The following PTPRT variants were observed in gnomAD, a reference collection of about 807,000 sequenced individuals.
PTPRT encodes receptor-type tyrosine-protein phosphatase T.
PTPRT carries 56 observed loss-of-function variants against 176.8 expected under a neutral mutation model. That is an observed-to-expected ratio of 0.32 (90% CI 0.26 to 0.40). PTPRT has a LOEUF of 0.40. Among genes scored for constraint, PTPRT ranks in the 10% least tolerant of loss-of-function variants. The pLI, the probability that PTPRT is intolerant of heterozygous loss-of-function variation, is 1.00. For synonymous variants in PTPRT, 783 were observed against 739.0 expected (o/e 1.06, Z -0.96); for missense variants, 1,540 against 1,908.2 (o/e 0.81, Z 3.60).
intron 13 of PTPRT, among the ~76,000 whole-genome samples, chr20:42,271,239 C>T (rs1810333885): frequency 1.3e-5 from 2 of 152,160 alleles, no homozygotes. Context: ...TTTCCATTAT[C>T]AACAGCCCCC....
intron 2 of PTPRT, among the ~76,000 whole-genome samples, chr20:42,827,187 A>G (rs1247155586): frequency 1.1e-4 from 17 of 152,202 alleles, no homozygotes; most frequent in Admixed American, 1.1e-3. Context: ...CTTTAACTCA[A>G]CATTGGACCA....
chr20:42,734,573 TA>T (rs1246022441), intron 6 of PTPRT, among the ~76,000 whole-genome samples: 1 of 152,124 alleles, frequency 6.6e-6, no homozygotes, highest in Non-Finnish European at 1.5e-5. Context: ...CAAAATGGAG[TA>T]ATAATACACC....
intron 6 of PTPRT, among the ~76,000 whole-genome samples, chr20:42,750,037 G>A (rs992671889): frequency 6.6e-6 from 1 of 152,138 alleles, no homozygotes; most frequent in Non-Finnish European, 1.5e-5. Flanking sequence ...AAAAAGGAAA[G>A]AGAAGACAGT....
intron 9 of PTPRT, among the ~76,000 whole-genome samples, chr20:42,372,660 A>C (rs112247254): frequency 2.6e-5 from 4 of 152,284 alleles, no homozygotes; most frequent in African/African-American, 7.2e-5. Flanking sequence ...AGTCCCCCCA[A>C]ATTCATACGT....
intron 12 of PTPRT, among the ~76,000 whole-genome samples, chr20:42,306,538 T>C (rs1439984351): frequency 1.3e-5 from 2 of 152,166 alleles, no homozygotes; most frequent in Admixed American, 1.3e-4. Flanking sequence ...AAGTGTCTAG[T>C]TCAGTCTTCC....
At chr20:42,680,471 C>T (rs947112230) in intron 6 of PTPRT, among the ~76,000 whole-genome samples, 2 of 152,198 alleles carry the variant, frequency 1.3e-5, no homozygotes, top group African/African-American at 4.8e-5. Flanking sequence ...CTAAGCTCAT[C>T]CTTTGTGCAT....
In PTPRT at chr20:42,078,140, C is replaced by T. The variant is rs758799287; in HGVS notation, c.*2739G>A. 2.3e-4 allele frequency: 43 copies of T among 189,200 alleles called. No homozygotes were observed. The highest frequency in any genetic ancestry group is 4.0e-4 in the Non-Finnish European group (36 of 89,728). 11.7% of individuals were successfully genotyped at this position (189,200 alleles called of 1,614,324 possible). ...TGGGTCCCCGGGGTCTGCTGAAATA[C>T]ACCTGGGGAGAGGCTCATCAAAGGA... On this transcript the variant is annotated 3_prime_UTR_variant, in exon 31 of 31. Transcript: ENST00000373187.
chr20:42,404,572 T>C (rs1030533049), intron 9 of PTPRT, among the ~76,000 whole-genome samples: 3 of 152,156 alleles, frequency 2.0e-5, no homozygotes, highest in Non-Finnish European at 4.4e-5. Flanking sequence ...TCAAGCTGTA[T>C]GACTTTAGAC....
chr20:42,105,185 C>T (rs1380919017), intron 24 of PTPRT, among the ~76,000 whole-genome samples: 1 of 152,172 alleles, frequency 6.6e-6, no homozygotes, highest in Non-Finnish European at 1.5e-5. Flanking sequence ...CACTTGGACA[C>T]GCATGTGTCT....
At chr20:42,257,067 C>T (rs1334547168) in intron 13 of PTPRT, among the ~76,000 whole-genome samples, 1 of 152,190 alleles carries the variant, frequency 6.6e-6, no homozygotes, top group Non-Finnish European at 1.5e-5. Context: ...GAGCATAGGG[C>T]AACAGTAAAG....
chr20:42,954,355 G>C (rs149253254), intron 1 of PTPRT, among the ~76,000 whole-genome samples: 1 of 152,166 alleles, frequency 6.6e-6, no homozygotes, highest in Non-Finnish European at 1.5e-5. Context: ...GGACTGGAGG[G>C]AGGAATTGAT....
intron 9 of PTPRT, among the ~76,000 whole-genome samples, chr20:42,362,158 C>G (rs1464498657): frequency 1.3e-5 from 2 of 151,956 alleles, no homozygotes; most frequent in Non-Finnish European, 2.9e-5. Flanking sequence ...CCCAGCTACT[C>G]GGGAGGCTGA....
intron 1 of PTPRT, among the ~76,000 whole-genome samples, chr20:43,032,214 C>T (rs6030615): frequency 0.3 from 46,010 of 151,988 alleles, 9,151 homozygotes; most frequent in African/African-American, 0.56. Context: ...CCTGCATCAA[C>T]ACAGAGTGAA....
chr20:42,573,749 C>CTT (rs150938657), intron 7 of PTPRT, among the ~76,000 whole-genome samples: 2 of 112,582 alleles, frequency 1.8e-5, no homozygotes, highest in Non-Finnish European at 3.4e-5. Flanking sequence ...TTCTTTCTTT[C>CTT]TTTTTTTTTT....
chr20:42,517,222 G>A (rs2072084352), intron 7 of PTPRT, among the ~76,000 whole-genome samples: 1 of 151,812 alleles, frequency 6.6e-6, no homozygotes, highest in Non-Finnish European at 1.5e-5. Flanking sequence ...AAAGATTACA[G>A]GACTGCTCAG....
At chr20:42,314,312 A>G (rs539500886) in intron 12 of PTPRT, among the ~76,000 whole-genome samples, 2 of 152,140 alleles carry the variant, frequency 1.3e-5, no homozygotes, top group Non-Finnish European at 2.9e-5. Flanking sequence ...GCAGATCACG[A>G]GGTCAGGAGA....
At chr20:42,834,335 T>G (rs771314346) in intron 2 of PTPRT, among the ~76,000 whole-genome samples, 8 of 151,928 alleles carry the variant, frequency 5.3e-5, no homozygotes, top group Non-Finnish European at 1.0e-4. Context: ...GAGCTAAAAT[T>G]TAAAACAAAG....
intron 1 of PTPRT, among the ~76,000 whole-genome samples, chr20:42,949,658 T>A (rs115129549): frequency 2.6e-5 from 4 of 152,340 alleles, no homozygotes; most frequent in African/African-American, 9.6e-5. Context: ...CTCCAATTCA[T>A]GACCCACAGA....
At chr20:42,547,995 T>C (rs184817804) in intron 7 of PTPRT, among the ~76,000 whole-genome samples, 35 of 152,092 alleles carry the variant, frequency 2.3e-4, no homozygotes, top group Non-Finnish European at 3.8e-4. Flanking sequence ...CTATAATATG[T>C]TTAAGAATCA....
Sources: gnomAD v4.1 joint callset for allele counts (sites outside exome capture counted in the v4.1 genomes callset) on GRCh38, gnomAD v4.1.1 for gene constraint, MANE v1.5 for transcripts, NCBI Gene and HGNC (gene_info 2026-07-23, HGNC 2026-07-21) for gene names.